DOCK10: variants seen among roughly 807,000 people sequenced by gnomAD.
DOCK10 encodes the protein dedicator of cytokinesis protein 10.
Under a neutral mutation model 280.1 loss-of-function variants are expected in DOCK10, and 145 were observed. The ratio of observed to expected loss-of-function variants is 0.52; its 90% CI spans 0.45 to 0.59. The LOEUF is 0.59. DOCK10 is among the 20% of genes least tolerant of loss of function. The pLI is 0.00. For missense variants in DOCK10, 2,368 were observed against 2,651.7 expected, an observed-to-expected ratio of 0.89 and a Z score of 2.35; for synonymous variants, 915 against 942.2, an observed-to-expected ratio of 0.97 and a Z score of 0.53.
chr2:224,867,283 T>G (rs1697989962), intron 11 of DOCK10, among the ~76,000 whole-genome samples: 2 of 152,220 alleles, frequency 1.3e-5, no homozygotes, highest in Non-Finnish European at 2.9e-5. Context: ...ATGAATCTGT[T>G]TACTTACTTG....
chr2:224,844,775 A>T lies in DOCK10; in HGVS notation c.2546T>A (p.Val849Asp). 1 of 1,600,536 alleles carries T rather than the reference A, an allele frequency of 6.2e-7. No homozygotes were observed. Among genetic ancestry groups the T allele is most frequent in the Non-Finnish European group, 8.5e-7 (1 of 1,172,704 alleles). The change falls in exon 22 of 56, where the codon GTT (valine) becomes GAT (aspartate). Residue 849 changes from valine to aspartate, a missense_variant. Transcript: ENST00000258390. The part of the protein sequence containing the change: ...GKPLFKVSTF[V>D]VSTVNTQDPH... ...CACCTGAGTATTTACTGTTGATACA[A>T]CAAATGTCGACACTTTGAAAAGTGG...
chr2:224,885,130 G>A (rs1699202729), intron 7 of DOCK10, among the ~76,000 whole-genome samples: 1 of 152,156 alleles, frequency 6.6e-6, no homozygotes, highest in Non-Finnish European at 1.5e-5. Flanking sequence ...CTCCCCAGTA[G>A]CTGGGATTAC....
intron 19 of DOCK10, 121 bp from the exon 20 acceptor site, chr2:224,845,763 A>G (rs2125498497): frequency 1.0e-6 from 1 of 956,192 alleles, no homozygotes; most frequent in Non-Finnish European, 1.5e-6. Context: ...TTACTCTGTC[A>G]CCTACGCTGG....
chr2:225,030,304 G>C (rs1159407753), intron 1 of DOCK10, among the ~76,000 whole-genome samples: 2 of 152,080 alleles, frequency 1.3e-5, no homozygotes, highest in Non-Finnish European at 2.9e-5. Context: ...TCAACGAAAG[G>C]AGAATTTTTA....
chr2:224,877,403 T>G (rs1574979879), intron 7 of DOCK10, among the ~76,000 whole-genome samples: 1 of 134,962 alleles, frequency 7.4e-6, no homozygotes, highest in Non-Finnish European at 1.7e-5. Flanking sequence ...TCAAAACCAG[T>G]CATATTTTAT....
At chr2:224,835,297 C>T (rs893404172) in intron 25 of DOCK10, among the ~76,000 whole-genome samples, 2 of 152,164 alleles carry the variant, frequency 1.3e-5, no homozygotes, top group Non-Finnish European at 2.9e-5. Context: ...AGTTATTTAG[C>T]CTGAAGGGCA....
chr2:224,944,313 G>A (rs1475073464), intron 1 of DOCK10, among the ~76,000 whole-genome samples: 1 of 152,178 alleles, frequency 6.6e-6, no homozygotes, highest in Admixed American at 6.5e-5. Context: ...GTAGTCCAGT[G>A]ACTTCGACTG....
chr2:224,918,903 G>T (rs1701503851), intron 2 of DOCK10, among the ~76,000 whole-genome samples: 1 of 148,462 alleles, frequency 6.7e-6, no homozygotes, highest in South Asian at 2.2e-4. Context: ...GTGAATGTGT[G>T]TATGGTGTGT....
chr2:224,771,917 C>CTTTTTTTTTTTTTTTTTTT (rs35364268), intron 53 of DOCK10, among the ~76,000 whole-genome samples: 1 of 141,380 alleles, frequency 7.1e-6, no homozygotes. Flanking sequence ...TTTTCTTTGG[C>CTTTTTTTTTTTTTTTTTTT]TTTTTTTTTT....
At chr2:224,900,993 T>C (rs918539910) in intron 3 of DOCK10, among the ~76,000 whole-genome samples, 1 of 152,114 alleles carries the variant, frequency 6.6e-6, no homozygotes, top group Non-Finnish European at 1.5e-5. Context: ...ACAGTTAGAC[T>C]AGATGACTCC....
At chr2:225,038,145 C>A (rs775077794) in intron 1 of DOCK10, among the ~76,000 whole-genome samples, 15 of 152,146 alleles carry the variant, frequency 9.9e-5, no homozygotes, top group Non-Finnish European at 1.0e-4. Context: ...TGCTAAACAA[C>A]CAGGCCCTTA....
intron 11 of DOCK10, among the ~76,000 whole-genome samples, chr2:224,867,259 G>A (rs547111019): frequency 9.9e-4 from 150 of 152,244 alleles, no homozygotes; most frequent in African/African-American, 3.0e-3. Context: ...GTGAGAATGC[G>A]GGATCTCATT....
intron 2 of DOCK10, among the ~76,000 whole-genome samples, chr2:224,920,234 C>T (rs1701620398): frequency 2.1e-5 from 2 of 95,612 alleles, no homozygotes; most frequent in African/African-American, 5.4e-5. Context: ...GGCTAATTTT[C>T]ACTTTTTTTT....
In DOCK10 at chr2:224,970,501, C is replaced by T. The variant is rs1000120444; in HGVS notation, c.124-38833G>A. 6.6e-6 allele frequency among the ~76,000 whole-genome samples: 1 copy of T among 152,192 alleles called. No individual in the cohort carries two copies. Among genetic ancestry groups the T allele is most frequent in the Non-Finnish European group, 1.5e-5 (1 of 68,024 alleles). ...CTGTTTCTGTTCTAGCACGACATTT[C>T]CGGATTCAGACTTCTGCAACATGAC... is the stretch of plus-strand genomic sequence containing the variant. On this transcript the variant is annotated intron_variant, in intron 1 of 55. Transcript: ENST00000258390. This position sits in a 1 kb window ranked among gnomAD's most constrained non-coding sequence, Gnocchi z 4.6.
intron 4 of DOCK10, among the ~76,000 whole-genome samples, chr2:224,895,383 T>G (rs1699921547): frequency 6.6e-6 from 1 of 152,234 alleles, no homozygotes; most frequent in African/African-American, 2.4e-5. Flanking sequence ...AACTTTTGAT[T>G]GTTTCAAGTG....
At position 224,773,163 on chromosome 2, in the gene DOCK10, G is replaced by A. The variant is rs760456952; in HGVS notation, c.6198C>T (p.Ser2066=). ...RLQLKLQGSV[S]VKVNAGPMAY... ...CTGGGCAATGCTTACTCACCTTCAC[G>A]CTGACACTTCCTTGCAGTTTGAGCT... is the stretch of plus-strand genomic sequence containing the variant. The change falls in exon 53 of 56, where the codon AGC becomes AGT. Residue 2066 remains serine (S), a synonymous_variant. Coordinates refer to ENST00000258390, the MANE Select transcript of DOCK10 (RefSeq NM_014689.3). The A allele has an allele frequency of 9.9e-6, 16 of 1,610,164 alleles. No individual in the cohort carries two copies. The highest frequency in any genetic ancestry group is 1.7e-5 in the Admixed American group (1 of 59,910).
At chr2:224,836,263 G>C (rs893641964) in intron 25 of DOCK10, among the ~76,000 whole-genome samples, 8 of 152,114 alleles carry the variant, frequency 5.3e-5, no homozygotes, top group Admixed American at 3.9e-4. Context: ...TAAATTCATC[G>C]ATACTCTATA....
intron 40 of DOCK10, among the ~76,000 whole-genome samples, chr2:224,801,294 A>AC (rs1559438261): frequency 6.6e-6 from 1 of 151,518 alleles, no homozygotes; most frequent in African/African-American, 2.4e-5. Context: ...AAAAAAAAAA[A>AC]AAAAAAAAAC....
intron 27 of DOCK10, among the ~76,000 whole-genome samples, chr2:224,827,165 A>G (rs191289779): frequency 3.3e-4 from 50 of 151,366 alleles, no homozygotes; most frequent in African/African-American, 1.2e-3. Flanking sequence ...TGGGAGGCTG[A>G]GGCAGGAGAA....
Sources: allele counts gnomAD v4.1 joint callset (sites outside exome capture counted in the v4.1 genomes callset), GRCh38; gene constraint gnomAD v4.1.1; non-coding constraint Gnocchi (gnomAD v3.1); transcripts MANE v1.5; gene names NCBI Gene and HGNC (gene_info 2026-07-23, HGNC 2026-07-21).